The following ZNF394 variants were observed in gnomAD, a reference collection of about 807,000 sequenced individuals.
ZNF394 encodes zinc finger protein 99.
Under a neutral mutation model 21.8 loss-of-function variants are expected in ZNF394, and 19 were observed. That is an observed-to-expected ratio of 0.87 (90% CI 0.61 to 1.28). The LOEUF (loss-of-function observed/expected upper bound fraction) is 1.28, where lower values mean the gene tolerates loss of function less well. Among genes scored for constraint, ZNF394 ranks in the 50% most tolerant of loss-of-function variants. The pLI is 0.00. For missense variants in ZNF394, 683 were observed against 708.6 expected (o/e 0.96, Z 0.41); for synonymous variants, 294 against 273.3 (o/e 1.08, Z -0.75).
rs1800199902 is a variant in ZNF394, at chr7:99,493,256, A to G, written c.*273T>C. 8.7e-7 allele frequency: 1 copy of G among 1,151,360 alleles called. No homozygotes were observed. Among genetic ancestry groups the G allele is most frequent in the Admixed American group, 4.4e-5 (1 of 22,644 alleles). The allele number at this position is 1,151,360 out of a possible 1,614,324, so 71.3% of individuals were successfully genotyped here. On this transcript the variant is annotated 3_prime_UTR_variant, in exon 3 of 3. Coordinates refer to ENST00000337673, the MANE Select transcript of ZNF394 (RefSeq NM_032164.4). ...TCACATAGAAACATATCAAAATGAC[A>G]GCACTTTATTTCTTTTTTGAGATGG...
At chr7:99,498,677 C>T in intron 2 of ZNF394, 39 bp downstream of exon 2, 1 of 1,613,026 alleles carries the variant, frequency 6.2e-7, no homozygotes, top group Non-Finnish European at 8.5e-7. Context: ...CCTTCACAAA[C>T]CACACACCGC....
chr7:99,498,597 G>T, intron 2 of ZNF394, 119 bp downstream of exon 2: 1 of 1,450,834 alleles, frequency 6.9e-7, no homozygotes, highest in Non-Finnish European at 9.3e-7. Context: ...TTGCGTTACA[G>T]AAGGCACCTG....
At chr7:99,487,601 T>A in intron 1 of ZNF394, 1 of 1,293,382 alleles carries the variant, frequency 7.7e-7, no homozygotes, top group South Asian at 1.5e-5. Context: ...GGTTTTTCTA[T>A]GGGAGCCATC....
In ZNF394 at chr7:99,493,524, T is replaced by A. The variant is rs1479925312; in HGVS notation, c.*5A>T. ...TGCCTGCCTTGGCCTCCCAAAGTGC[T>A]GGGATTATAGGCGTGAGCCACCACG... On this transcript the variant is annotated 3_prime_UTR_variant, in exon 3 of 3. Coordinates refer to ENST00000337673, the MANE Select transcript of ZNF394 (RefSeq NM_032164.4). 1.3e-6 allele frequency: 2 copies of A among 1,584,282 alleles called. No homozygotes were observed. Among genetic ancestry groups the A allele is most frequent in the South Asian group, 2.3e-5 (2 of 86,264 alleles).
chr7:99,498,649 G>A (rs757742332), intron 2 of ZNF394, 67 bp downstream of exon 2: 1 of 1,604,020 alleles, frequency 6.2e-7, no homozygotes, highest in Admixed American at 1.7e-5. Context: ...AGTGGCTCAG[G>A]GATGGTAGTG....
chr7:99,497,834 C>T (rs909324608), intron 2 of ZNF394: 4 of 152,118 alleles, frequency 2.6e-5, no homozygotes, highest in African/African-American at 7.2e-5. Context: ...TGCACTCCCC[C>T]TGGGCAACAA....
rs143790066 is a variant in ZNF394 at position 99,499,857 on chromosome 7, T to C, written c.237A>G (p.Glu79=). Residue 79 remains glutamate, a synonymous_variant, in exon 1 of 3, where the codon GAA becomes GAG. Transcript: ENST00000337673. ...GTTCTCGGAGCCGGCTCAGCGCCTC[T>C]TCCGGTCCAGCCACCTCCTGGTAAC... is the stretch of plus-strand genomic sequence containing the variant. ...QLRYQEVAGP[E]EALSRLRELC... is the part of the protein sequence containing the mutation. 2.4e-5 allele frequency: 38 copies of C among 1,614,028 alleles called. No individual in the cohort carries two copies. The highest frequency in any genetic ancestry group is 2.5e-5 in the Non-Finnish European group (29 of 1,180,022).
chr7:99,500,083 C>T lies in ZNF394; in HGVS notation c.11G>A (p.Ser4Asn), dbSNP rs1221758132. 2 of 1,551,176 alleles carry T rather than the reference C, an allele frequency of 1.3e-6. No homozygotes were observed. Among genetic ancestry groups the T allele is most frequent in the African/African-American group, 2.7e-5 (2 of 73,230 alleles). MNS[S>N]LTAQRRGSDA... ...ACTGCCGCGCCTCTGGGCGGTCAAG[C>T]TGGAATTCATCTTTCTCCGGCATGT... The change falls in exon 1 of 3, where the codon AGC (serine) becomes AAC (asparagine). Residue 4 changes from serine (S) to asparagine (N), a missense_variant. Ser to Asn is a conservative substitution (Grantham distance 46, BLOSUM62 1). This residue lies in a region of ZNF394 where 402 missense variants were observed against 373.8 expected (regional missense o/e 1.08). Transcript: ENST00000337673.
chr7:99,489,755 G>A (rs918092391), downstream of ZNF394, among the ~76,000 whole-genome samples: 2 of 152,164 alleles, frequency 1.3e-5, no homozygotes, highest in African/African-American at 4.8e-5. Flanking sequence ...AATAGGTTGA[G>A]CTGAGTGTAT....
downstream of ZNF394, among the ~76,000 whole-genome samples, chr7:99,489,734 C>A (rs1318469927): frequency 6.6e-6 from 1 of 152,210 alleles, no homozygotes; most frequent in Admixed American, 6.6e-5. Context: ...CACATTCTGA[C>A]ATTCAGTTTA....
chr7:99,493,343 G>A lies in ZNF394; in HGVS notation c.*186C>T, dbSNP rs369707322. On this transcript the variant is annotated 3_prime_UTR_variant, in exon 3 of 3. Coordinates refer to ENST00000337673, the MANE Select transcript of ZNF394 (RefSeq NM_032164.4). The stretch of plus-strand genomic sequence containing the variant: ...ATGATCTCAGCTCACTGCAACTTCC[G>A]CCTCCTGGGTTCAAGTGATTCTCCT... The A allele has an allele frequency of 5.4e-5, 59 of 1,091,360 alleles. No individual in the cohort carries two copies. In the East Asian group the frequency reaches 5.7e-4, roughly 10 times the overall value. The allele number at this position is 1,091,360 out of a possible 1,614,324, so 67.6% of individuals were successfully genotyped here.
At chr7:99,497,772 A>C (rs1308203177) in intron 2 of ZNF394, 1 of 152,132 alleles carries the variant, frequency 6.6e-6, no homozygotes, top group Non-Finnish European at 1.5e-5. Context: ...CAGAGGCAGG[A>C]GAATTGCTTG....
chr7:99,494,015 G>A lies in ZNF394; in HGVS notation c.1200C>T (p.Ala400=). 1.2e-6 allele frequency: 2 copies of A among 1,614,060 alleles called. No homozygotes were observed. Among genetic ancestry groups the A allele is most frequent in the African/African-American group, 1.3e-5 (1 of 74,964 alleles). ...ECGKSFSQSA[A]LTKHQRTHTG... Reference sequence around the variant, plus strand: ...TGTGTGTCCTCTGGTGCTTGGTCAGGGCAGCACTCTGGCTGAAGCTTTTCC... The same window carrying A: ...TGTGTGTCCTCTGGTGCTTGGTCAGAGCAGCACTCTGGCTGAAGCTTTTCC... Residue 400 remains alanine (A), a synonymous_variant, in exon 3 of 3, where the codon GCC becomes GCT. Coordinates refer to ENST00000337673, the MANE Select transcript of ZNF394 (RefSeq NM_032164.4).
In ZNF394 at chr7:99,494,488, C is replaced by T; in HGVS notation, c.727G>A (p.Val243Met). 6.2e-7 allele frequency: 1 copy of T among 1,613,978 alleles called. No individual in the cohort carries two copies. The highest frequency in any genetic ancestry group is 8.5e-7 in the Non-Finnish European group (1 of 1,180,034). Reference protein sequence around the residue: ...SKCGSTHEDRVEKQSGDPLPL... With the variant: ...SKCGSTHEDRMEKQSGDPLPL... ...AAGGGGTCTCCGGACTGCTTTTCCA[C>T]CCTGTCCTCATGGGTACTGCCACAC... is the stretch of plus-strand genomic sequence containing the variant. The change falls in exon 3 of 3, where the codon GTG becomes ATG. Residue 243 changes from valine to methionine, a missense_variant. This residue lies in a region of ZNF394 where 402 missense variants were observed against 373.8 expected (regional missense o/e 1.08). Coordinates refer to ENST00000337673, the MANE Select transcript of ZNF394 (RefSeq NM_032164.4).
intron 1 of ZNF394, among the ~76,000 whole-genome samples, chr7:99,488,090 AAAAC>A (rs1368477318): frequency 6.6e-6 from 1 of 151,490 alleles, no homozygotes; most frequent in Non-Finnish European, 1.5e-5. Flanking sequence ...AAAAAAAAAA[AAAAC>A]AGAGAAAAGG....
intron 1 of ZNF394, chr7:99,487,410 CAT>C (rs759415358): frequency 1.1e-5 from 17 of 1,614,084 alleles, no homozygotes; most frequent in African/African-American, 4.0e-5. Flanking sequence ...ACCAATGTGT[CAT>C]ATGTGGAAAA....
intron 1 of ZNF394, chr7:99,487,076 A>G: frequency 6.2e-7 from 1 of 1,614,146 alleles, no homozygotes; most frequent in Non-Finnish European, 8.5e-7. Flanking sequence ...AAATGTAGCA[A>G]ATGTGAAAAA....
intron 1 of ZNF394, among the ~76,000 whole-genome samples, chr7:99,499,245 G>A (rs527278374): frequency 1.3e-5 from 2 of 151,666 alleles, no homozygotes; most frequent in South Asian, 4.2e-4. Context: ...GCGTGGTGGC[G>A]GGCGCCTGTA....
Position 99,499,712 on chromosome 7 carries a change from A to C in ZNF394, c.382T>G (p.Cys128Gly). ...ACCGCCTCCTCCCCGCTCTCTGGGC[A>C]GTGCTCTCGCACCCAGGCTTGAAGC... ...EELQAWVREH[C>G]PESGEEAVAV... The change falls in exon 1 of 3, where the codon TGC becomes GGC. Residue 128 changes from cysteine (C) to glycine (G), a missense_variant. Coordinates refer to ENST00000337673, the MANE Select transcript of ZNF394 (RefSeq NM_032164.4). 1 of 1,613,766 alleles carries C rather than the reference A, an allele frequency of 6.2e-7. No homozygotes were observed. Among genetic ancestry groups the C allele is most frequent in the Non-Finnish European group, 8.5e-7 (1 of 1,180,014 alleles).
Sources: allele counts gnomAD v4.1 joint callset (sites outside exome capture counted in the v4.1 genomes callset), GRCh38; gene constraint gnomAD v4.1.1; regional missense constraint gnomAD v4.1.1; transcripts MANE v1.5; gene names NCBI Gene and HGNC (gene_info 2026-07-23, HGNC 2026-07-21).